Variants in EMC3 observed in about 807,000 individuals in gnomAD.
EMC3 encodes ER membrane protein complex subunit 3.
In EMC3, 13 loss-of-function variants were observed where a neutral mutation model predicts 36.6. That is an observed-to-expected ratio of 0.35 (90% CI 0.23 to 0.56). The LOEUF (loss-of-function observed/expected upper bound fraction) is 0.56, where lower values mean the gene tolerates loss of function less well. Ranked by LOEUF, EMC3 falls within the 20% of genes least tolerant of loss-of-function variation. The pLI is 0.84. For synonymous variants in EMC3, 120 were observed against 111.9 expected (o/e 1.07, Z -0.46); for missense variants, 220 against 324.5 (o/e 0.68, Z 2.47).
intron 1 of EMC3, among the ~76,000 whole-genome samples, chr3:9,979,570 T>C (rs1178826932): frequency 6.6e-6 from 1 of 152,252 alleles, no homozygotes; most frequent in Non-Finnish European, 1.5e-5. Context: ...CAAATATTTC[T>C]TGAACTTCTA....
At chr3:9,994,049 ACAAAG>A in intron 1 of EMC3, 1 of 1,181,962 alleles carries the variant, frequency 8.5e-7, no homozygotes, top group Non-Finnish European at 1.2e-6. Flanking sequence ...TCTGTGTAAA[ACAAAG>A]ATTAAGATTT....
intron 1 of EMC3, among the ~76,000 whole-genome samples, chr3:9,981,936 C>T (rs928596252): frequency 1.3e-5 from 2 of 148,604 alleles, no homozygotes; most frequent in African/African-American, 5.1e-5. Context: ...TGGTTTAATA[C>T]CTGTTAAAAA....
upstream of EMC3, among the ~76,000 whole-genome samples, chr3:9,989,396 CA>C (rs1052986140): frequency 1.4e-5 from 2 of 147,934 alleles, no homozygotes; most frequent in Admixed American, 6.7e-5. Flanking sequence ...ACTAAAAATA[CA>C]AAAAAAAAAT....
intron 1 of EMC3, among the ~76,000 whole-genome samples, chr3:9,996,753 C>G (rs78696324): frequency 6.6e-6 from 1 of 152,088 alleles, no homozygotes; most frequent in African/African-American, 2.4e-5. Context: ...GTTTGTCTCC[C>G]ACAGGGACAA....
At chr3:10,001,586 AAAC>A (rs1477939534) in intron 1 of EMC3, among the ~76,000 whole-genome samples, 1 of 151,464 alleles carries the variant, frequency 6.6e-6, no homozygotes, top group Non-Finnish European at 1.5e-5. Context: ...TCAAAAAAAA[AAAC>A]AATTTGTCAC....
At chr3:10,007,156 A>C in intron 1 of EMC3, 1 of 459,720 alleles carries the variant, frequency 2.2e-6, no homozygotes, top group South Asian at 2.5e-5. Context: ...AGAAAAAGCC[A>C]CCTCAGAGAA....
chr3:9,966,438 A>C (rs1423362174), intron 7 of EMC3, among the ~76,000 whole-genome samples: 1 of 151,600 alleles, frequency 6.6e-6, no homozygotes, highest in Non-Finnish European at 1.5e-5. Flanking sequence ...GACCAAGCTG[A>C]TCTTGAACTT....
At chr3:9,979,139 T>C (rs983233689) in intron 1 of EMC3, among the ~76,000 whole-genome samples, 1 of 152,178 alleles carries the variant, frequency 6.6e-6, no homozygotes, top group African/African-American at 2.4e-5. Context: ...CTCTACTTTA[T>C]CTACAGGGCG....
chr3:9,985,349 T>C (rs2085959395), intron 1 of EMC3, among the ~76,000 whole-genome samples: 1 of 152,196 alleles, frequency 6.6e-6, no homozygotes, highest in Non-Finnish European at 1.5e-5. Context: ...AAACGAGAAA[T>C]TAATGTGAGA....
intron 1 of EMC3, among the ~76,000 whole-genome samples, chr3:9,994,823 C>T (rs1485200763): frequency 1.3e-5 from 2 of 152,094 alleles, no homozygotes; most frequent in South Asian, 2.1e-4. Context: ...TCACCTGCCT[C>T]GCCCTCCCAA....
intron 1 of EMC3, among the ~76,000 whole-genome samples, chr3:9,983,300 A>T (rs1039659445): frequency 2.6e-5 from 4 of 151,980 alleles, no homozygotes; most frequent in African/African-American, 9.7e-5. Context: ...GGCACATGCC[A>T]CCGTGTCTGG....
intron 1 of EMC3, among the ~76,000 whole-genome samples, chr3:9,980,463 T>G (rs185381338): frequency 6.6e-6 from 1 of 151,472 alleles, no homozygotes; most frequent in African/African-American, 2.4e-5. Flanking sequence ...CCTCTGGAGC[T>G]CAAGTGATCC....
chr3:10,000,107 G>C (rs1268926667), intron 1 of EMC3, among the ~76,000 whole-genome samples: 4 of 151,912 alleles, frequency 2.6e-5, no homozygotes, highest in Admixed American at 6.6e-5. Flanking sequence ...GCGCGATCTT[G>C]GTTCACTGCA....
chr3:9,973,256 G>A lies in EMC3; in HGVS notation c.494+372C>T, dbSNP rs182816231. 8.0e-3 allele frequency among the ~76,000 whole-genome samples: 1,204 copies of A among 150,184 alleles called. 6 individuals are homozygous for A. Among genetic ancestry groups the A allele is most frequent in the Non-Finnish European group, 0.013 (897 of 67,556 alleles). ...GTCGCCCAGGCTGGAGTGCAGTGGC[G>A]CAATCTCAGCTCACTGCAAGCTCCG... On this transcript the variant is annotated intron_variant, in intron 5 of 7. Transcript: ENST00000245046.
intron 1 of EMC3, chr3:10,003,474 G>A (rs1403034350): frequency 2.9e-6 from 1 of 350,736 alleles, no homozygotes; most frequent in Admixed American, 3.8e-5. Context: ...TTTATAGTCA[G>A]TGTAGACAGG....
chr3:9,998,482 T>C (rs1461343578), intron 1 of EMC3, among the ~76,000 whole-genome samples: 3 of 151,560 alleles, frequency 2.0e-5, no homozygotes, highest in Admixed American at 6.6e-5. Flanking sequence ...CAGGCTGCAG[T>C]GCAGTGGCGT....
At chr3:9,994,456 C>T (rs75817888) in intron 1 of EMC3, 2 of 434,626 alleles carry the variant, frequency 4.6e-6, no homozygotes, top group South Asian at 2.5e-5. Context: ...CTCAATTTTA[C>T]TCCCAGCCTT....
chr3:9,986,879 A>G (rs962047114), upstream of EMC3: 2 of 1,356,192 alleles, frequency 1.5e-6, no homozygotes, highest in African/African-American at 1.5e-5. Flanking sequence ...GGCGCACCTC[A>G]GTGGCGTCAG....
At chr3:9,993,777 T>G (rs2086085506) in intron 1 of EMC3, among the ~76,000 whole-genome samples, 1 of 152,240 alleles carries the variant, frequency 6.6e-6, no homozygotes, top group South Asian at 2.1e-4. Context: ...GCATGATCAC[T>G]TCTTTTAAAA....
Sources: allele counts gnomAD v4.1 joint callset (sites outside exome capture counted in the v4.1 genomes callset), GRCh38; gene constraint gnomAD v4.1.1; transcripts MANE v1.5; gene names NCBI Gene and HGNC (gene_info 2026-07-23, HGNC 2026-07-21).